Variants in CNTNAP2 observed in about 807,000 individuals in gnomAD.
CNTNAP2 encodes the protein contactin-associated protein-like 2.
In CNTNAP2, 98 loss-of-function variants were observed where a neutral mutation model predicts 155.2. The ratio of observed to expected loss-of-function variants is 0.63; its 90% CI spans 0.54 to 0.75. The LOEUF is 0.75. CNTNAP2 is among the 30% of genes least tolerant of loss of function. The pLI is 0.00. For synonymous variants in CNTNAP2, 651 were observed against 631.2 expected (o/e 1.03, Z -0.47); for missense variants, 1,727 against 1,688.1 (o/e 1.02, Z -0.40).
intron 15 of CNTNAP2, among the ~76,000 whole-genome samples, chr7:148,098,340 A>T (rs986963528): frequency 2.8e-5 from 4 of 144,392 alleles, no homozygotes; most frequent in Non-Finnish European, 6.0e-5. Flanking sequence ...GCTACTCGGG[A>T]GGCTGAGGCA....
chr7:146,601,010 C>G (rs1341527577), intron 1 of CNTNAP2, among the ~76,000 whole-genome samples: 1 of 152,080 alleles, frequency 6.6e-6, no homozygotes, highest in African/African-American at 2.4e-5. Context: ...CTCTAAGAAA[C>G]TAAAAATTAC....
intron 3 of CNTNAP2, among the ~76,000 whole-genome samples, chr7:146,960,546 C>G (rs558408709): frequency 6.6e-6 from 1 of 152,230 alleles, no homozygotes; most frequent in East Asian, 1.9e-4. Context: ...CCTGCAGTTT[C>G]TGTGAATATA....
At chr7:147,364,470 C>T (rs1796193295) in intron 9 of CNTNAP2, among the ~76,000 whole-genome samples, 1 of 152,098 alleles carries the variant, frequency 6.6e-6, no homozygotes, top group Non-Finnish European at 1.5e-5. Flanking sequence ...TGCTGTCATC[C>T]ATCAGACTGT....
chr7:146,392,875 C>T (rs375030220), intron 1 of CNTNAP2, among the ~76,000 whole-genome samples: 1 of 151,974 alleles, frequency 6.6e-6, no homozygotes, highest in African/African-American at 2.4e-5. Context: ...TCAAATCTTC[C>T]GTTGAAAGAA....
chr7:146,789,078 T>C (rs2129188576), intron 2 of CNTNAP2, among the ~76,000 whole-genome samples: 1 of 152,250 alleles, frequency 6.6e-6, no homozygotes, highest in East Asian at 1.9e-4. Context: ...TACAAAACCC[T>C]AGGAAGAAAT....
At position 146,763,647 on chromosome 7, in the gene CNTNAP2, A is replaced by G. The variant is rs182315190; in HGVS notation, c.98-10624A>G. Among the ~76,000 whole-genome samples the G allele has an allele frequency of 6.5e-4, 99 of 152,324 alleles. 1 individual carries two copies. Among genetic ancestry groups the G allele is most frequent in the African/African-American group, 2.2e-3 (93 of 41,572 alleles). On this transcript the variant is annotated intron_variant, in intron 1 of 23. Transcript: ENST00000361727. ...TTGAAGAACATTTCCAAGCTGTAGA[A>G]AATAGAAGAAAATGAAAGTCAACAA...
chr7:148,354,851 C>CCTAG (rs1798485003), intron 21 of CNTNAP2, among the ~76,000 whole-genome samples: 1 of 152,130 alleles, frequency 6.6e-6, no homozygotes, highest in Non-Finnish European at 1.5e-5. Flanking sequence ...GGGGACAGAC[C>CCTAG]CTAGCACACA....
intron 10 of CNTNAP2, among the ~76,000 whole-genome samples, chr7:147,404,400 A>T (rs919234022): frequency 6.6e-6 from 1 of 152,200 alleles, no homozygotes; most frequent in Non-Finnish European, 1.5e-5. Flanking sequence ...AACATATAGA[A>T]AAACGTCAGT....
intron 4 of CNTNAP2, among the ~76,000 whole-genome samples, chr7:147,075,478 T>C (rs1414168364): frequency 6.6e-6 from 1 of 152,162 alleles, no homozygotes; most frequent in Non-Finnish European, 1.5e-5. Context: ...ATAAGGATTC[T>C]GGTTCTTCTT....
intron 1 of CNTNAP2, among the ~76,000 whole-genome samples, chr7:146,593,400 T>C (rs1249810572): frequency 6.6e-6 from 1 of 151,896 alleles, no homozygotes; most frequent in Non-Finnish European, 1.5e-5. Flanking sequence ...GGAAAGAGGG[T>C]TGAATGAAGA....
intron 12 of CNTNAP2, among the ~76,000 whole-genome samples, chr7:147,601,245 A>G (rs916370378): frequency 2.0e-5 from 3 of 152,160 alleles, no homozygotes; most frequent in Admixed American, 6.6e-5. Context: ...GCTTTGTGTG[A>G]GCAGCAAGGC....
At chr7:147,907,348 G>A (rs117712739) in intron 14 of CNTNAP2, among the ~76,000 whole-genome samples, 6,544 of 152,216 alleles carry the variant, frequency 0.043, 177 homozygotes, top group Non-Finnish European at 0.053. Flanking sequence ...GAGCCATCGC[G>A]CCCAGCCATG....
At chr7:146,882,691 T>C (rs551608218) in intron 3 of CNTNAP2, among the ~76,000 whole-genome samples, 2 of 152,264 alleles carry the variant, frequency 1.3e-5, no homozygotes, top group South Asian at 4.1e-4. Flanking sequence ...AACAGACTAA[T>C]ATACTCAGTA....
intron 11 of CNTNAP2, among the ~76,000 whole-genome samples, chr7:147,503,352 C>A (rs1408508509): frequency 6.6e-6 from 1 of 152,244 alleles, no homozygotes. Context: ...ATTGAGTGTC[C>A]ACATTGATCC....
At chr7:147,532,215 A>G (rs574436752) in intron 11 of CNTNAP2, among the ~76,000 whole-genome samples, 55 of 152,150 alleles carry the variant, frequency 3.6e-4, no homozygotes, top group Non-Finnish European at 6.5e-4. Flanking sequence ...TACCTCTTGA[A>G]TGTTTTGCTG....
At chr7:146,560,381 G>T (rs1238925534) in intron 1 of CNTNAP2, among the ~76,000 whole-genome samples, 1 of 151,856 alleles carries the variant, frequency 6.6e-6, no homozygotes, top group Non-Finnish European at 1.5e-5. Context: ...ATATATATGT[G>T]TGTATATATG....
chr7:147,932,395 A>G (rs2710091), intron 14 of CNTNAP2, among the ~76,000 whole-genome samples: 107,175 of 152,094 alleles, frequency 0.7, 41,212 homozygotes, highest in Non-Finnish European at 0.85. Context: ...GAGGGCCCAG[A>G]AATAAACCTG....
intron 13 of CNTNAP2, among the ~76,000 whole-genome samples, chr7:147,819,554 T>C (rs1798329782): frequency 6.6e-6 from 1 of 152,206 alleles, no homozygotes; most frequent in Admixed American, 6.5e-5. Flanking sequence ...TATTGAAATG[T>C]AATTTTTACA....
chr7:147,232,791 G>A (rs1803713055), intron 8 of CNTNAP2, among the ~76,000 whole-genome samples: 2 of 52,944 alleles, frequency 3.8e-5, no homozygotes, highest in Non-Finnish European at 6.5e-5. Context: ...TTTTAAAAGC[G>A]TTTATCTTTT....
Sources: gnomAD v4.1 joint callset for allele counts (sites outside exome capture counted in the v4.1 genomes callset) on GRCh38, gnomAD v4.1.1 for gene constraint, MANE v1.5 for transcripts, NCBI Gene and HGNC (gene_info 2026-07-23, HGNC 2026-07-21) for gene names.